The following DGUOK variants were observed in gnomAD, a reference collection of about 807,000 sequenced individuals.
The protein encoded by DGUOK is deoxyguanosine kinase, mitochondrial.
Under a neutral mutation model 36.6 loss-of-function variants are expected in DGUOK, and 30 were observed. That is an observed-to-expected ratio of 0.82 (90% CI 0.61 to 1.11). The LOEUF (loss-of-function observed/expected upper bound fraction) is 1.11. DGUOK is among the 50% of genes most tolerant of loss of function. DGUOK has a pLI of 0.00. For missense variants in DGUOK, 361 were observed against 336.4 expected, an observed-to-expected ratio of 1.07 and a Z score of -0.57; for synonymous variants, 145 against 126.3, an observed-to-expected ratio of 1.15 and a Z score of -0.99.
intron 2 of DGUOK, among the ~76,000 whole-genome samples, chr2:73,939,516 C>T (rs902985824): frequency 2.0e-5 from 3 of 152,232 alleles, no homozygotes; most frequent in African/African-American, 7.2e-5. Context: ...ATGCCAAGCA[C>T]AGTACATTTC....
At chr2:73,953,179 C>G (rs1225369816) in intron 4 of DGUOK, among the ~76,000 whole-genome samples, 1 of 151,930 alleles carries the variant, frequency 6.6e-6, no homozygotes, top group Non-Finnish European at 1.5e-5. Context: ...CTTAAAGGCC[C>G]CACCTCTCAG....
chr2:73,935,483 A>G (rs1681388050), intron 1 of DGUOK, among the ~76,000 whole-genome samples: 1 of 152,332 alleles, frequency 6.6e-6, no homozygotes, highest in South Asian at 2.1e-4. Flanking sequence ...GAAGGGAAAA[A>G]AAAAATCTAT....
chr2:73,946,230 G>GTTGA (rs1345147235), intron 2 of DGUOK, among the ~76,000 whole-genome samples: 2 of 152,160 alleles, frequency 1.3e-5, no homozygotes, highest in Admixed American at 6.5e-5. Context: ...CTATTTGGTG[G>GTTGA]TTGATTGGTT....
At chr2:73,927,936 C>T (rs73950318) in intron 1 of DGUOK, among the ~76,000 whole-genome samples, 4,418 of 152,296 alleles carry the variant, frequency 0.029, 207 homozygotes, top group African/African-American at 0.1. Flanking sequence ...TTTTGAGCCA[C>T]TTCCATATGC....
chr2:73,943,378 T>G (rs1200713259), intron 2 of DGUOK, among the ~76,000 whole-genome samples: 1 of 150,292 alleles, frequency 6.7e-6, no homozygotes, highest in Non-Finnish European at 1.5e-5. Context: ...CCCAGGCTGG[T>G]CTCGAACTCC....
At chr2:73,958,554 A>G (rs1683304075) in intron 6 of DGUOK, among the ~76,000 whole-genome samples, 156 bp from the exon 7 acceptor site, 2 of 152,192 alleles carry the variant, frequency 1.3e-5, no homozygotes, top group Admixed American at 1.3e-4. Flanking sequence ...ACTTGATGCT[A>G]TATGACCCTG....
At chr2:73,941,436 C>G (rs564258162) in intron 2 of DGUOK, among the ~76,000 whole-genome samples, 1 of 152,142 alleles carries the variant, frequency 6.6e-6, no homozygotes, top group Non-Finnish European at 1.5e-5. Flanking sequence ...TCCCATTATT[C>G]AGAAGTAAAA....
chr2:73,928,802 AAG>A (rs770500525), intron 1 of DGUOK, among the ~76,000 whole-genome samples: 4 of 152,204 alleles, frequency 2.6e-5, no homozygotes, highest in African/African-American at 2.4e-5. Context: ...ATTGAAAGTG[AAG>A]AGTGTTAAGT....
intron 5 of DGUOK, among the ~76,000 whole-genome samples, chr2:73,957,458 T>C (rs1179957523): frequency 6.6e-6 from 1 of 152,200 alleles, no homozygotes; most frequent in African/African-American, 2.4e-5. Context: ...GGCAGTCACC[T>C]GAGGTCAGGA....
chr2:73,953,705 T>C (rs1682867931), intron 4 of DGUOK, among the ~76,000 whole-genome samples: 2 of 149,932 alleles, frequency 1.3e-5, no homozygotes, highest in Non-Finnish European at 3.0e-5. Flanking sequence ...TTTCTACCTA[T>C]TCTTCCCTAA....
chr2:73,936,376 T>G (rs1009432443), intron 1 of DGUOK, among the ~76,000 whole-genome samples: 9 of 151,936 alleles, frequency 5.9e-5, no homozygotes, highest in African/African-American at 2.2e-4. Context: ...TTCATTGGAG[T>G]GTGGGAAGAG....
intron 3 of DGUOK, among the ~76,000 whole-genome samples, chr2:73,949,100 C>T (rs6747191): frequency 0.062 from 9,435 of 152,100 alleles, 463 homozygotes; most frequent in African/African-American, 0.13. Flanking sequence ...TACAGGGACA[C>T]GCCATCATGC....
chr2:73,945,619 C>T (rs1682242519), intron 2 of DGUOK, among the ~76,000 whole-genome samples: 2 of 152,232 alleles, frequency 1.3e-5, no homozygotes, highest in South Asian at 4.1e-4. Flanking sequence ...TTTTCTATAC[C>T]CTTACGGTAC....
chr2:73,944,950 T>C (rs1443426998), intron 2 of DGUOK, among the ~76,000 whole-genome samples: 8 of 152,172 alleles, frequency 5.3e-5, no homozygotes, highest in Non-Finnish European at 1.2e-4. Flanking sequence ...GGCTGGTATG[T>C]GTGGGCTTGC....
At position 73,926,891 on chromosome 2, in the gene DGUOK, C is replaced by T. The variant is rs771281628; in HGVS notation, c.-20C>T. The T allele has an allele frequency of 6.2e-6, 10 of 1,613,254 alleles. No homozygotes were observed. Among genetic ancestry groups the T allele is most frequent in the East Asian group, 2.2e-5 (1 of 44,886 alleles). On this transcript the variant is annotated 5_prime_UTR_variant, in exon 1 of 7. Coordinates refer to ENST00000264093, the MANE Select transcript of DGUOK (RefSeq NM_080916.3). ...GAAGTGCTCTCGGCGGAAGTGATCG[C>T]TGTGTGAATCGTGGGTGGGATGGCC...
At chr2:73,951,237 C>G (rs1682681484) in intron 4 of DGUOK, among the ~76,000 whole-genome samples, 1 of 152,140 alleles carries the variant, frequency 6.6e-6, no homozygotes, top group Non-Finnish European at 1.5e-5. Flanking sequence ...TTCTGTGACT[C>G]TCTGGCTGGT....
At chr2:73,943,988 T>G (rs1682102078) in intron 2 of DGUOK, among the ~76,000 whole-genome samples, 1 of 152,028 alleles carries the variant, frequency 6.6e-6, no homozygotes, top group South Asian at 2.1e-4. Flanking sequence ...TTCTTTTTCT[T>G]TAAAGAGTCT....
In DGUOK at chr2:73,950,627, TG is replaced by T; in HGVS notation, c.487del (p.Asp163ThrfsTer38). On this transcript the variant is annotated frameshift_variant, in exon 4 of 7. Transcript: ENST00000264093. LOFTEE classifies it high-confidence loss of function. ...KNLFENGSLSDIEWHIYQDWH... is the reference protein window; with the variant it reads ...KNLFENGSLSXIEWHIYQDWH... ...ATCTTTTTGAAAATGGTTCCCTCAGTGACATCGAGTGGCATATCTATCAGGA... is the reference window on the plus strand; with the variant it reads ...ATCTTTTTGAAAATGGTTCCCTCAGTACATCGAGTGGCATATCTATCAGGA... 2.5e-6 allele frequency: 4 copies of T among 1,614,192 alleles called. No homozygotes were observed. The highest frequency in any genetic ancestry group is 3.4e-6 in the Non-Finnish European group (4 of 1,180,028).
rs777710215 is a variant in DGUOK at position 73,946,845 on chromosome 2, G to T, written c.382G>T (p.Glu128Ter). ...GAAAGTACAGCTGGAGCCCTTCCCTGAGAAACTCTTACAGGCCAGGAAGCC... is the reference window on the plus strand; with the variant it reads ...GAAAGTACAGCTGGAGCCCTTCCCTTAGAAACTCTTACAGGCCAGGAAGCC... ...RLKVQLEPFP[E>*]KLLQARKPVQ... is the part of the protein sequence containing the mutation. The change falls in exon 3 of 7, where the codon GAG (glutamate) becomes TAG (stop). Residue 128 changes from glutamate (E) to a stop codon, truncating the protein, a stop_gained. Transcript: ENST00000264093. LOFTEE classifies it high-confidence loss of function. 5.0e-6 allele frequency: 8 copies of T among 1,613,902 alleles called. No homozygotes were observed. The highest frequency in any genetic ancestry group is 6.8e-6 in the Non-Finnish European group (8 of 1,180,016).
Sources: gnomAD v4.1 joint callset for allele counts (sites outside exome capture counted in the v4.1 genomes callset) on GRCh38, gnomAD v4.1.1 for gene constraint, MANE v1.5 for transcripts, NCBI Gene and HGNC (gene_info 2026-07-23, HGNC 2026-07-21) for gene names.